Variants in PNKD observed in about 807,000 individuals in gnomAD.
PNKD encodes the protein probable thioesterase PNKD.
In PNKD, 36 loss-of-function variants were observed where a neutral mutation model predicts 45.3. That is an observed-to-expected ratio of 0.80 (90% confidence interval 0.61 to 1.05). The LOEUF (loss-of-function observed/expected upper bound fraction) is 1.05. Ranked by LOEUF, PNKD falls within the 50% of genes least tolerant of loss-of-function variation. PNKD has a pLI of 0.00. For synonymous variants in PNKD, 197 were observed against 210.1 expected (o/e 0.94, Z 0.54); for missense variants, 511 against 506.6 (o/e 1.01, Z -0.08).
At chr2:218,300,655 C>T (rs1353411617) in intron 2 of PNKD, among the ~76,000 whole-genome samples, 1 of 151,696 alleles carries the variant, frequency 6.6e-6, no homozygotes, top group Non-Finnish European at 1.5e-5. Flanking sequence ...AAGAGATTCT[C>T]CTGCCTCAGC....
chr2:218,340,949 G>T lies in PNKD; in HGVS notation c.524+163G>T. On this transcript the variant is annotated intron_variant, in intron 5 of 9. Transcript: ENST00000273077. The surrounding 1 kb of genome is among the most constrained non-coding windows in gnomAD (Gnocchi z 4.2). Reference sequence around the variant, plus strand: ...ACACCAGCAGGGAGGGAGGAGAGGGGACAGTCTCCCACCACTCCATTGATC... The same window carrying T: ...ACACCAGCAGGGAGGGAGGAGAGGGTACAGTCTCCCACCACTCCATTGATC... The T allele has an allele frequency of 1.4e-6, 1 of 690,388 alleles. No individual in the cohort carries two copies. The allele number at this position is 690,388 out of a possible 1,614,324, so 42.8% of individuals were successfully genotyped here.
intron 6 of PNKD, 82 bp downstream of exon 6, chr2:218,341,708 G>A (rs1370171359): frequency 9.3e-7 from 1 of 1,076,922 alleles, no homozygotes; most frequent in African/African-American, 1.6e-5. Flanking sequence ...TGTTTCAGGG[G>A]TATCAGCAGG....
At position 218,271,369 on chromosome 2, in the gene PNKD, C is replaced by T; in HGVS notation, c.68-12C>T. 2 of 1,613,512 alleles carry T rather than the reference C, an allele frequency of 1.2e-6. No homozygotes were observed. The highest frequency in any genetic ancestry group is 1.7e-6 in the Non-Finnish European group (2 of 1,179,452). ...ATCTCTTCTTACTGACCTTCCTTAC[C>T]TCCATCCACAGGGATTCTCGCAGGA... On this transcript the variant is annotated splice_polypyrimidine_tract_variant and intron_variant, in intron 1 of 9. Transcript: ENST00000273077.
chr2:218,324,836 G>A (rs1694097448), intron 2 of PNKD, among the ~76,000 whole-genome samples: 1 of 151,776 alleles, frequency 6.6e-6, no homozygotes, highest in Non-Finnish European at 1.5e-5. Context: ...TCAGGAGGCT[G>A]AGGCAGGAAA....
intron 2 of PNKD, chr2:218,327,761 C>A: frequency 6.5e-6 from 1 of 152,948 alleles, no homozygotes. Context: ...TCCTTCCTCC[C>A]TACATCTCTA....
intron 2 of PNKD, chr2:218,275,557 T>C: frequency 1.2e-6 from 2 of 1,614,154 alleles, no homozygotes; most frequent in South Asian, 2.2e-5. Flanking sequence ...GCCAGTGATG[T>C]AGTCCTCGGG....
At chr2:218,305,300 C>T (rs1693377481) in intron 2 of PNKD, among the ~76,000 whole-genome samples, 2 of 151,894 alleles carry the variant, frequency 1.3e-5, no homozygotes, top group South Asian at 2.1e-4. Flanking sequence ...AAGTGGAGGC[C>T]GCCATTTTTT....
At chr2:218,276,187 A>T in intron 2 of PNKD, 1 of 1,198,260 alleles carries the variant, frequency 8.3e-7, no homozygotes, top group Non-Finnish European at 1.2e-6. Flanking sequence ...AGAGCTGGGA[A>T]GCTAGCTCTC....
rs181289596 is a variant in PNKD at position 218,311,874 on chromosome 2, T to G, written c.237-27909T>G. On this transcript the variant is annotated intron_variant, in intron 2 of 9. Transcript: ENST00000273077. ...AGGCCATATCTCAGGCTGTCTCAGT[T>G]GGGGGAAACCTTAGACAATACCCAA... is the stretch of plus-strand genomic sequence containing the variant. 3.8e-3 allele frequency among the ~76,000 whole-genome samples: 585 copies of G among 152,328 alleles called. 4 individuals carry two copies. Among genetic ancestry groups the G allele is most frequent in the African/African-American group, 0.011 (465 of 41,576 alleles).
chr2:218,278,243 C>T (rs1691454385), intron 2 of PNKD: 2 of 604,186 alleles, frequency 3.3e-6, no homozygotes, highest in Non-Finnish European at 5.8e-6. Flanking sequence ...GAGAAAGTTA[C>T]TCAGCCTCTT....
intron 8 of PNKD, 74 bp downstream of exon 8, chr2:218,343,660 C>A: frequency 8.9e-7 from 1 of 1,126,128 alleles, no homozygotes; most frequent in Non-Finnish European, 1.3e-6. Context: ...CCCACCCCCT[C>A]ACTCCCCTAG....
chr2:218,306,160 G>A (rs1019533963), intron 2 of PNKD, among the ~76,000 whole-genome samples: 7 of 152,286 alleles, frequency 4.6e-5, no homozygotes, highest in South Asian at 2.1e-4. Context: ...CAGCAGGAAC[G>A]CCACACACTA....
At chr2:218,277,426 AATG>A in intron 2 of PNKD, 1 of 1,614,198 alleles carries the variant, frequency 6.2e-7, no homozygotes, top group South Asian at 1.1e-5. Context: ...TGATCATTGC[AATG>A]ATGACGGCTT....
chr2:218,334,812 C>A, intron 2 of PNKD: 2 of 693,950 alleles, frequency 2.9e-6, no homozygotes, highest in South Asian at 3.0e-5. Flanking sequence ...GTTTCTATGG[C>A]CTTTATAATT....
chr2:218,278,379 C>T, intron 2 of PNKD: 1 of 879,798 alleles, frequency 1.1e-6, no homozygotes, highest in Non-Finnish European at 1.8e-6. Context: ...TGAACAGTAG[C>T]TGTCATCGTC....
chr2:218,336,803 T>A, intron 2 of PNKD, among the ~76,000 whole-genome samples: 1 of 143,814 alleles, frequency 7.0e-6, no homozygotes, highest in Admixed American at 7.0e-5. Flanking sequence ...TTTTTTTTTT[T>A]TTTTTTTTTT....
chr2:218,282,722 C>T (rs564298283), intron 2 of PNKD, among the ~76,000 whole-genome samples: 1 of 152,274 alleles, frequency 6.6e-6, no homozygotes, highest in South Asian at 2.1e-4. Flanking sequence ...ACAAGCTAGC[C>T]CCAGTGCCAG....
At chr2:218,344,353 T>C (rs921104885) in intron 8 of PNKD, 102 bp from the exon 9 acceptor site, 15 of 819,036 alleles carry the variant, frequency 1.8e-5, no homozygotes, top group Non-Finnish European at 2.9e-5. Context: ...TCATCCCTAG[T>C]TGTCAGGTGC....
In PNKD at chr2:218,309,703, G is replaced by A. The variant is rs2106259279; in HGVS notation, c.237-30080G>A. Among the ~76,000 whole-genome samples, 3 of 152,010 alleles carry A rather than the reference G, an allele frequency of 2.0e-5. No homozygotes were observed. In the East Asian group the frequency reaches 5.8e-4, roughly 30 times the overall value. On this transcript the variant is annotated intron_variant, in intron 2 of 9. Coordinates refer to ENST00000273077, the MANE Select transcript of PNKD (RefSeq NM_015488.5). ...TCCCAGCACTTTGGGAGGCCGAGGTGGGAGGATCATTTGACGTCAGGAGTT... is the reference window on the plus strand; with the variant it reads ...TCCCAGCACTTTGGGAGGCCGAGGTAGGAGGATCATTTGACGTCAGGAGTT...
Sources: allele counts gnomAD v4.1 joint callset (sites outside exome capture counted in the v4.1 genomes callset), GRCh38; gene constraint gnomAD v4.1.1; non-coding constraint Gnocchi (gnomAD v3.1); transcripts MANE v1.5; gene names NCBI Gene and HGNC (gene_info 2026-07-23, HGNC 2026-07-21).